The following NOTCH2 variants were observed in gnomAD, a reference collection of about 807,000 sequenced individuals.
The protein encoded by NOTCH2 is neurogenic locus notch homolog protein 2.
NOTCH2 carries 29 observed loss-of-function variants against 235.8 expected under a neutral mutation model. The observed-to-expected ratio is 0.12, with a 90% confidence interval of 0.09 to 0.17. NOTCH2 has a LOEUF of 0.17. NOTCH2 is among the 10% of genes least tolerant of loss of function. The pLI is 1.00. For synonymous variants in NOTCH2, 1,086 were observed against 1,141.5 expected (o/e 0.95, Z 0.98); for missense variants, 2,285 against 3,150.2 (o/e 0.73, Z 6.57).
intron 19 of NOTCH2, among the ~76,000 whole-genome samples, chr1:119,938,258 G>A (rs587736333): frequency 6.6e-6 from 1 of 151,876 alleles, no homozygotes; most frequent in East Asian, 1.9e-4. Flanking sequence ...TAAGGACAAC[G>A]ATATATAACG....
At chr1:119,939,862 C>A (rs946708690) in intron 19 of NOTCH2, among the ~76,000 whole-genome samples, 1 of 151,448 alleles carries the variant, frequency 6.6e-6, no homozygotes. Flanking sequence ...CTTAAGTGCG[C>A]CCTGTAAGTC....
intron 5 of NOTCH2, among the ~76,000 whole-genome samples, chr1:119,982,912 C>G (rs587642320): frequency 6.6e-6 from 1 of 152,308 alleles, no homozygotes; most frequent in East Asian, 1.9e-4. Flanking sequence ...CCATCTATTC[C>G]TCTACTTCAG....
chr1:119,925,883 G>GA, intron 24 of NOTCH2, 73 bp from the exon 25 acceptor site: 7 of 1,543,214 alleles, frequency 4.5e-6, no homozygotes, highest in Non-Finnish European at 6.2e-6. Flanking sequence ...GAGGTTTCTA[G>GA]AAAACCTCCA....
chr1:120,015,351 AG>A (rs1553207817), intron 2 of NOTCH2, among the ~76,000 whole-genome samples: 1 of 152,072 alleles, frequency 6.6e-6, no homozygotes, highest in Non-Finnish European at 1.5e-5. Flanking sequence ...GCTGAGCTCT[AG>A]AGGGGGGAGC....
At chr1:119,936,545 T>C (rs921294910) in intron 21 of NOTCH2, among the ~76,000 whole-genome samples, 1 of 152,204 alleles carries the variant, frequency 6.6e-6, no homozygotes, top group Non-Finnish European at 1.5e-5. Context: ...GGTTTGGCAC[T>C]GGTAGGCTTT....
At chr1:119,922,488 T>G (rs1272664953) in intron 27 of NOTCH2, 42 bp from the exon 28 acceptor site, 3 of 1,595,766 alleles carry the variant, frequency 1.9e-6, no homozygotes, top group Non-Finnish European at 2.6e-6. Context: ...AATAAAACAT[T>G]AACCTCTCAA....
chr1:120,064,988 A>G (rs587620224), intron 1 of NOTCH2, among the ~76,000 whole-genome samples: 27 of 152,162 alleles, frequency 1.8e-4, no homozygotes, highest in South Asian at 4.2e-4. Context: ...TGGCCTAGTA[A>G]TACAGTAATA....
Position 119,925,595 on chromosome 1 carries a change from C to T in NOTCH2, c.4221G>A (p.Ser1407=), listed in dbSNP as rs773451652. The change falls in exon 25 of 34, where the codon TCG becomes TCA. Residue 1407 remains serine, a synonymous_variant. Transcript: ENST00000256646. The part of the protein sequence containing the change: ...YYSCQCAPPF[S]GSRCELYTAP... ...CCGTGTAGAGTTCACAGCGGCTACC[C>T]GAGAATGGTGGGGCACACTGGCAGG... 9.3e-6 allele frequency: 15 copies of T among 1,613,920 alleles called. No individual in the cohort carries two copies. The highest frequency in any genetic ancestry group is 2.7e-5 in the African/African-American group (2 of 74,884).
In NOTCH2 at chr1:119,929,228, GA is replaced by G. The variant is rs782758618; in HGVS notation, c.3656-17del. The G allele has an allele frequency of 1.9e-6, 3 of 1,599,436 alleles. No individual in the cohort carries two copies. The highest frequency in any genetic ancestry group is 1.1e-5 in the South Asian group (1 of 90,836). On this transcript the variant is annotated splice_polypyrimidine_tract_variant and intron_variant, in intron 22 of 33. Transcript: ENST00000256646. ...CAGAGTAGGCCTGGAGGAAAGAGAA[GA>G]GGTACAGAATTATGAAAATCCTTTT...
rs1472609269 is a variant in NOTCH2, at chr1:119,921,700, A to G, written c.5310+13T>C. The G allele has an allele frequency of 7.4e-6, 12 of 1,611,080 alleles. No homozygotes were observed. Among genetic ancestry groups the G allele is most frequent in the Middle Eastern group, 1.6e-4 (1 of 6,076 alleles). On this transcript the variant is annotated intron_variant, in intron 29 of 33. Transcript: ENST00000256646. ...AATGGCTGACAATGGTGGTTCTACC[A>G]TGGCCACCTCACCTTTACTTTCTTT...
chr1:119,915,464 C>G lies in NOTCH2; in HGVS notation c.7258G>C (p.Glu2420Gln). Residue 2420 changes from glutamate to glutamine, a missense_variant, in exon 34 of 34, where the codon GAG (glutamate) becomes CAG (glutamine). Glu to Gln is a conservative substitution (Grantham distance 29, BLOSUM62 2). Around this residue, in one of 6 missense-constraint regions of NOTCH2, gnomAD observed 504 missense variants for 538.0 expected, o/e 0.94. Transcript: ENST00000256646. ...GAACTTGACCACTGGTCAGGAGACT[C>G]TGGGGATGGTGTCAGGTAGGGATGC... ...GEHPYLTPSP[E>Q]SPDQWSSSSP... The G allele has an allele frequency of 6.2e-7, 1 of 1,614,148 alleles. No individual in the cohort carries two copies. Among genetic ancestry groups the G allele is most frequent in the Non-Finnish European group, 8.5e-7 (1 of 1,180,024 alleles).
At chr1:119,985,505 G>C (rs1251116722) in intron 5 of NOTCH2, among the ~76,000 whole-genome samples, 2 of 152,126 alleles carry the variant, frequency 1.3e-5, no homozygotes, top group Non-Finnish European at 2.9e-5. Flanking sequence ...AAGAAACCAA[G>C]TGTAGTATCG....
intron 23 of NOTCH2, 68 bp downstream of exon 23, chr1:119,928,908 A>G: frequency 8.9e-7 from 1 of 1,124,532 alleles, no homozygotes; most frequent in Non-Finnish European, 1.4e-6. Context: ...GACAACTCAC[A>G]GGGCCCAATT....
chr1:120,060,615 T>A lies in NOTCH2; in HGVS notation c.73+8719A>T, dbSNP rs181199359. Among the ~76,000 whole-genome samples, 144 of 150,694 alleles carry A rather than the reference T, an allele frequency of 9.6e-4. 1 individual carries two copies. The highest frequency in any genetic ancestry group is 3.4e-3 in the African/African-American group (139 of 41,420). On this transcript the variant is annotated intron_variant, in intron 1 of 33. Coordinates refer to ENST00000256646, the MANE Select transcript of NOTCH2 (RefSeq NM_024408.4). ...TCCTTAACTACTTTTTCAAACATAA[T>A]TACTTTTTATTTTACAAAAATAAAA... is the stretch of plus-strand genomic sequence containing the variant.
Position 119,986,963 on chromosome 1 carries a change from T to C in NOTCH2, c.871A>G (p.Thr291Ala). 1 of 1,613,596 alleles carries C rather than the reference T, an allele frequency of 6.2e-7. No homozygotes were observed. Among genetic ancestry groups the C allele is most frequent in the East Asian group, 2.2e-5 (1 of 44,866 alleles). ...GGATTCTCCACACTGTACATACCTG[T>C]CCATTGTGGGGGACAGCGGCAGTTG... The part of the protein sequence containing the change: ...TYNCRCPPQW[T>A]GQFCTEDVDE... The change falls in exon 5 of 34, where the codon ACA becomes GCA. Residue 291 changes from threonine (T) to alanine (A), a missense_variant. Thr to Ala is a moderately conservative substitution (Grantham distance 58). Around this residue, in one of 6 missense-constraint regions of NOTCH2, gnomAD observed 431 missense variants for 757.8 expected, o/e 0.57. Transcript: ENST00000256646.
At chr1:119,936,519 G>C (rs1336672227) in intron 21 of NOTCH2, among the ~76,000 whole-genome samples, 1 of 152,164 alleles carries the variant, frequency 6.6e-6, no homozygotes, top group Non-Finnish European at 1.5e-5. Context: ...AAAACAACTA[G>C]ATGTGTCAAA....
At chr1:119,981,871 A>G (rs1042268077) in intron 5 of NOTCH2, among the ~76,000 whole-genome samples, 2 of 152,102 alleles carry the variant, frequency 1.3e-5, no homozygotes, top group Admixed American at 1.3e-4. Context: ...TATAAAAGAG[A>G]GCAGCTTTGA....
Position 119,914,321 on chromosome 1 carries a change from G to A in NOTCH2, c.*985C>T, listed in dbSNP as rs1031173566. The A allele has an allele frequency of 3.0e-5, 7 of 232,978 alleles. No individual in the cohort carries two copies. The highest frequency in any genetic ancestry group is 5.9e-5 in the Non-Finnish European group (7 of 117,972). 14.4% of individuals were successfully genotyped at this position (232,978 alleles called of 1,614,324 possible). A position where few individuals can be genotyped will look rare whatever the true frequency, so the allele number is the denominator to read the frequency against. On this transcript the variant is annotated 3_prime_UTR_variant, in exon 34 of 34. Coordinates refer to ENST00000256646, the MANE Select transcript of NOTCH2 (RefSeq NM_024408.4). The stretch of plus-strand genomic sequence containing the variant: ...GTGGGTGGGTAACTGGCTCTTGCAC[G>A]AGTTAACTTGTCTCTTGGTCATTCC...
At chr1:119,960,780 C>G (rs587711472) in intron 11 of NOTCH2, among the ~76,000 whole-genome samples, 9 of 151,940 alleles carry the variant, frequency 5.9e-5, no homozygotes, top group Non-Finnish European at 2.9e-5. Context: ...CTCAAGCTAT[C>G]CCCCCACCTC....
Sources: gnomAD v4.1 joint callset for allele counts (sites outside exome capture counted in the v4.1 genomes callset) on GRCh38, gnomAD v4.1.1 for gene constraint, gnomAD v4.1.1 regional missense constraint, MANE v1.5 for transcripts, NCBI Gene and HGNC (gene_info 2026-07-23, HGNC 2026-07-21) for gene names.